ZSWIM6: variants seen among roughly 807,000 people sequenced by gnomAD.
The protein encoded by ZSWIM6 is zinc finger SWIM-type containing 6, also known as zinc finger SWIM domain-containing protein 6.
A neutral mutation model predicts 113.2 loss-of-function variants in ZSWIM6; 9 were observed. The observed-to-expected ratio is 0.08, with a 90% CI of 0.05 to 0.14. The LOEUF is 0.14. ZSWIM6 is among the 10% of genes least tolerant of loss of function. The pLI, the probability that ZSWIM6 is intolerant of heterozygous loss-of-function variation, is 1.00. For synonymous variants in ZSWIM6, 611 were observed against 606.5 expected, an observed-to-expected ratio of 1.01 and a Z score of -0.11; for missense variants, 1,162 against 1,552.2, an observed-to-expected ratio of 0.75 and a Z score of 4.22.
chr5:61,386,993 G>A (rs529592743), intron 1 of ZSWIM6, among the ~76,000 whole-genome samples: 1 of 152,236 alleles, frequency 6.6e-6, no homozygotes, highest in South Asian at 2.1e-4. Context: ...TTTCAAGGGA[G>A]CCTTTGCCTT....
At position 61,471,061 on chromosome 5, in the gene ZSWIM6, T is replaced by C. The variant is rs538154184; in HGVS notation, c.677-1620T>C. On this transcript the variant is annotated intron_variant, in intron 1 of 13. Coordinates refer to ENST00000252744, the MANE Select transcript of ZSWIM6 (RefSeq NM_020928.2). ...CACCCGTTCCAGAGTCCCCACATGG[T>C]AGCAATCCTTTTCTTTGTGAATGAA... Among the ~76,000 whole-genome samples the C allele has an allele frequency of 3.3e-5, 5 of 152,268 alleles. No homozygotes were observed. The South Asian group carries it at 1.0e-3, about 32-fold the overall frequency.
chr5:61,426,362 A>G (rs893150901), intron 1 of ZSWIM6, among the ~76,000 whole-genome samples: 2 of 152,186 alleles, frequency 1.3e-5, no homozygotes, highest in African/African-American at 4.8e-5. Flanking sequence ...CCATTAATGT[A>G]TTTTTAACAT....
chr5:61,469,257 C>T (rs1377829860), intron 1 of ZSWIM6, among the ~76,000 whole-genome samples: 2 of 152,170 alleles, frequency 1.3e-5, no homozygotes, highest in African/African-American at 2.4e-5. Flanking sequence ...AAATGGTCTC[C>T]TGATTAGGCG....
In ZSWIM6 at chr5:61,332,730, G is replaced by GCGGCTC. The variant is rs1193525068; in HGVS notation, c.460_465dup (p.Gly154_Ser155dup). Reference sequence around the variant, plus strand: ...GGCGGCGCGGGCGGCGGCGGCGGCGGCGGCTCCTCGTCTTCCCCGGCCGCA... The same window carrying GCGGCTC: ...GGCGGCGCGGGCGGCGGCGGCGGCGGCGGCTCCGGCTCCTCGTCTTCCCCGGCCGCA... On this transcript the variant is annotated inframe_insertion, in exon 1 of 14. Coordinates refer to ENST00000252744, the MANE Select transcript of ZSWIM6 (RefSeq NM_020928.2). 9 of 966,616 alleles carry GCGGCTC rather than the reference G, an allele frequency of 9.3e-6. No individual in the cohort carries two copies. In the African/African-American group the frequency reaches 1.1e-4, roughly 12 times the overall value. 59.9% of individuals were successfully genotyped at this position (966,616 alleles called of 1,614,324 possible).
chr5:61,493,451 T>C (rs1295289437), intron 3 of ZSWIM6, among the ~76,000 whole-genome samples: 6 of 152,180 alleles, frequency 3.9e-5, no homozygotes, highest in Admixed American at 2.0e-4. Flanking sequence ...TCAACAAAGC[T>C]GTTCCTAAAA....
At chr5:61,384,295 T>G (rs1745550200) in intron 1 of ZSWIM6, among the ~76,000 whole-genome samples, 1 of 152,046 alleles carries the variant, frequency 6.6e-6, no homozygotes, top group African/African-American at 2.4e-5. Flanking sequence ...ACACTACTAC[T>G]TTACTGACAC....
At chr5:61,333,009 G>GGGGGC in intron 1 of ZSWIM6, 61 bp downstream of exon 1, 1 of 439,902 alleles carries the variant, frequency 2.3e-6, no homozygotes, top group Non-Finnish European at 3.2e-6. Flanking sequence ...TGGGGGGGGG[G>GGGGGC]TGCCCGCCTT....
At chr5:61,493,035 G>T (rs891567082) in intron 3 of ZSWIM6, among the ~76,000 whole-genome samples, 6 of 152,092 alleles carry the variant, frequency 3.9e-5, no homozygotes, top group Admixed American at 3.3e-4. Flanking sequence ...GATTCATTTA[G>T]GGCTTGCTGC....
intron 2 of ZSWIM6, among the ~76,000 whole-genome samples, chr5:61,474,611 A>ACG: frequency 6.6e-6 from 1 of 152,206 alleles, no homozygotes; most frequent in Non-Finnish European, 1.5e-5. Flanking sequence ...ACGTCACAAC[A>ACG]TAGCTCAAAA....
chr5:61,535,574 C>T lies in ZSWIM6; in HGVS notation c.2336C>T (p.Pro779Leu). 6.4e-7 allele frequency: 1 copy of T among 1,551,350 alleles called. No homozygotes were observed. Among genetic ancestry groups the T allele is most frequent in the Non-Finnish European group, 8.7e-7 (1 of 1,146,774 alleles). ...FAKYLFTSLL[P>L]HDAELAYKIA... ...AAGTATCTCTTCACCTCTCTCCTAC[C>T]TCACGATGCTGAATTGGCATACAAA... Residue 779 changes from proline to leucine, a missense_variant, in exon 10 of 14, where the codon CCT becomes CTT. This residue lies in a region of ZSWIM6 where 620 missense variants were observed against 804.6 expected (regional missense o/e 0.77). Coordinates refer to ENST00000252744, the MANE Select transcript of ZSWIM6 (RefSeq NM_020928.2).
chr5:61,334,200 A>G (rs1744336347), intron 1 of ZSWIM6, among the ~76,000 whole-genome samples: 1 of 152,182 alleles, frequency 6.6e-6, no homozygotes, highest in Admixed American at 6.5e-5. Context: ...CCTTAGTTTA[A>G]AAGTGTCTCC....
intron 4 of ZSWIM6, among the ~76,000 whole-genome samples, chr5:61,499,143 A>G (rs1299623198): frequency 2.0e-5 from 3 of 152,216 alleles, no homozygotes; most frequent in Non-Finnish European, 4.4e-5. Context: ...AAGAAAAAGC[A>G]ATTCCAAGAG....
At chr5:61,501,272 T>C (rs771190144) in intron 4 of ZSWIM6, among the ~76,000 whole-genome samples, 1 of 152,248 alleles carries the variant, frequency 6.6e-6, no homozygotes, top group Admixed American at 6.5e-5. Context: ...TTCTGCTTCT[T>C]TAAGTAAACA....
At position 61,539,668 on chromosome 5, in the gene ZSWIM6, A is replaced by G; in HGVS notation, c.2612A>G (p.Lys871Arg). ...ATTCACTCCTCATCACACATCTTCA[A>G]GCTTGCCCAAGATGCATTTAAAATA... ...KNIHSSSHIF[K>R]LAQDAFKIAT... The change falls in exon 12 of 14, where the codon AAG becomes AGG. Residue 871 changes from lysine to arginine, a missense_variant. Transcript: ENST00000252744. 1 of 1,551,968 alleles carries G rather than the reference A, an allele frequency of 6.4e-7. No homozygotes were observed. Among genetic ancestry groups the G allele is most frequent in the Non-Finnish European group, 8.7e-7 (1 of 1,147,050 alleles).
rs1415368606 is a variant in ZSWIM6, at chr5:61,543,234, A to G, written c.2786-221A>G. 6.6e-6 allele frequency among the ~76,000 whole-genome samples: 1 copy of G among 152,168 alleles called. No individual in the cohort carries two copies. The highest frequency in any genetic ancestry group is 3.2e-3 in the Middle Eastern group (1 of 316). ...CTACCAAGAGGATTGGTTCTTTATT[A>G]TAGCAAGTTCATGTTCCTTTCAGGC... On this transcript the variant is annotated intron_variant, in intron 13 of 13. Transcript: ENST00000252744. The surrounding 1 kb of genome is among the most constrained non-coding windows in gnomAD (Gnocchi z 4.3).
intron 2 of ZSWIM6, among the ~76,000 whole-genome samples, chr5:61,485,616 C>T (rs1747997761): frequency 6.6e-6 from 1 of 152,142 alleles, no homozygotes; most frequent in Non-Finnish European, 1.5e-5. Context: ...CTTCACATAT[C>T]CACTTACTCA....
chr5:61,526,272 A>T lies in ZSWIM6; in HGVS notation c.1713A>T (p.Ala571=), dbSNP rs1561278890. 1 of 1,551,838 alleles carries T rather than the reference A, an allele frequency of 6.4e-7. No individual in the cohort carries two copies. The change falls in exon 7 of 14, where the codon GCA becomes GCT. Residue 571 remains alanine (A), a synonymous_variant. Transcript: ENST00000252744. ...LWHEHVPTAC[A]RVDALRSHGY... The stretch of plus-strand genomic sequence containing the variant: ...TAGAACATGTTCCTACAGCCTGTGC[A>T]AGAGTGGACGCATTACGTTCTCATG...
At chr5:61,538,785 G>A in intron 10 of ZSWIM6, 29 bp from the exon 11 acceptor site, 1 of 1,533,474 alleles carries the variant, frequency 6.5e-7, no homozygotes, top group Non-Finnish European at 8.8e-7. Context: ...AAATAACTAG[G>A]GGCCACCTTC....
At position 61,535,468 on chromosome 5, in the gene ZSWIM6, T is replaced by C; in HGVS notation, c.2246-16T>C. 1 of 1,551,066 alleles carries C rather than the reference T, an allele frequency of 6.4e-7. No individual in the cohort carries two copies. The highest frequency in any genetic ancestry group is 8.7e-7 in the Non-Finnish European group (1 of 1,146,496). On this transcript the variant is annotated splice_polypyrimidine_tract_variant and intron_variant, in intron 9 of 13. Transcript: ENST00000252744. ...ATTTTTTAGGAACGTAAAATGTGTATGCTCTCTTCCCACAGCCGGACCATA... is the reference window on the plus strand; with the variant it reads ...ATTTTTTAGGAACGTAAAATGTGTACGCTCTCTTCCCACAGCCGGACCATA...
Sources: gnomAD v4.1 joint callset for allele counts (sites outside exome capture counted in the v4.1 genomes callset) on GRCh38, gnomAD v4.1.1 for gene constraint, gnomAD v4.1.1 regional missense constraint, Gnocchi (gnomAD v3.1) non-coding constraint, MANE v1.5 for transcripts, NCBI Gene and HGNC (gene_info 2026-07-23, HGNC 2026-07-21) for gene names.